ATF1: variants seen among roughly 807,000 people sequenced by gnomAD.
ATF1 encodes the protein cyclic AMP-dependent transcription factor ATF-1.
A neutral mutation model predicts 34.7 loss-of-function variants in ATF1; 16 were observed. The observed-to-expected ratio is 0.46, with a 90% CI of 0.31 to 0.70. The LOEUF (loss-of-function observed/expected upper bound fraction) is 0.70. Among genes scored for constraint, ATF1 ranks in the 30% least tolerant of loss-of-function variants. ATF1 has a pLI of 0.05. For missense variants in ATF1, 255 were observed against 321.6 expected, an observed-to-expected ratio of 0.79 and a Z score of 1.58; for synonymous variants, 105 against 113.1, an observed-to-expected ratio of 0.93 and a Z score of 0.46.
At chr12:50,810,532 G>A (rs150337288) in intron 4 of ATF1, among the ~76,000 whole-genome samples, 5 of 152,132 alleles carry the variant, frequency 3.3e-5, no homozygotes, top group African/African-American at 9.6e-5. Context: ...CTGCCTATTC[G>A]TTAAAAATAT....
At chr12:50,803,381 A>G (rs1941553206) in intron 3 of ATF1, among the ~76,000 whole-genome samples, 1 of 152,172 alleles carries the variant, frequency 6.6e-6, no homozygotes, top group Non-Finnish European at 1.5e-5. Context: ...GCAAATCAAA[A>G]TTGTGAAATA....
chr12:50,771,111 T>G (rs932514503), intron 1 of ATF1, among the ~76,000 whole-genome samples: 6 of 152,148 alleles, frequency 3.9e-5, no homozygotes, highest in Admixed American at 3.3e-4. Context: ...GTTCAAGTGA[T>G]TCTCCTGCCT....
chr12:50,774,986 C>T (rs139532430), intron 1 of ATF1, among the ~76,000 whole-genome samples: 1,590 of 152,012 alleles, frequency 0.01, 28 homozygotes, highest in African/African-American at 0.036. Context: ...CCTTGTGATC[C>T]GCCTGCCTCG....
At chr12:50,796,250 C>T (rs1168728490) in intron 3 of ATF1, among the ~76,000 whole-genome samples, 1 of 151,928 alleles carries the variant, frequency 6.6e-6, no homozygotes, top group Admixed American at 6.6e-5. Context: ...CAAACCTTAG[C>T]TGGACATAGT....
chr12:50,796,224 G>A (rs762934651), intron 3 of ATF1, among the ~76,000 whole-genome samples: 3 of 152,042 alleles, frequency 2.0e-5, no homozygotes, highest in Non-Finnish European at 4.4e-5. Context: ...GCAAGACCCT[G>A]TCTCTTCAAA....
At chr12:50,785,284 T>TACACACACAC (rs56040362) in intron 2 of ATF1, among the ~76,000 whole-genome samples, 1 of 128,434 alleles carries the variant, frequency 7.8e-6, no homozygotes, top group African/African-American at 3.0e-5. Flanking sequence ...TATATATACA[T>TACACACACAC]ACACACACAC....
chr12:50,797,448 A>G (rs956232543), intron 3 of ATF1, among the ~76,000 whole-genome samples: 3 of 152,216 alleles, frequency 2.0e-5, no homozygotes, highest in African/African-American at 7.2e-5. Context: ...GTATAAGACA[A>G]TGAACTAAAA....
intron 3 of ATF1, among the ~76,000 whole-genome samples, chr12:50,797,088 A>G (rs1434136973): frequency 1.3e-5 from 2 of 152,210 alleles, no homozygotes; most frequent in Non-Finnish European, 2.9e-5. Flanking sequence ...ATTACCTAGA[A>G]TGGAACACAG....
chr12:50,803,883 C>T (rs1231948150), intron 3 of ATF1, among the ~76,000 whole-genome samples: 2 of 152,092 alleles, frequency 1.3e-5, no homozygotes, highest in East Asian at 1.9e-4. Context: ...TTATATGAAA[C>T]GTCCAAAATA....
intron 2 of ATF1, among the ~76,000 whole-genome samples, chr12:50,794,943 TAAA>T (rs1000136423): frequency 6.6e-6 from 1 of 151,458 alleles, no homozygotes; most frequent in African/African-American, 2.4e-5. Flanking sequence ...TAAAAATATT[TAAA>T]AAAAAATTGA....
At chr12:50,778,750 G>C (rs182046103) in intron 1 of ATF1, among the ~76,000 whole-genome samples, 1 of 152,198 alleles carries the variant, frequency 6.6e-6, no homozygotes, top group East Asian at 1.9e-4. Flanking sequence ...ACCACCCCTG[G>C]CTAATTTTTT....
chr12:50,788,041 A>T (rs904277193), intron 2 of ATF1, among the ~76,000 whole-genome samples: 1 of 152,190 alleles, frequency 6.6e-6, no homozygotes. Context: ...GTTTGGGGAC[A>T]TTGAAGAGGG....
At chr12:50,797,656 A>C (rs1490736306) in intron 3 of ATF1, among the ~76,000 whole-genome samples, 1 of 152,002 alleles carries the variant, frequency 6.6e-6, no homozygotes, top group Non-Finnish European at 1.5e-5. Context: ...TTTTTGGTAG[A>C]GATAGAGTCC....
At chr12:50,785,338 C>G (rs993149931) in intron 2 of ATF1, among the ~76,000 whole-genome samples, 19 of 100,530 alleles carry the variant, frequency 1.9e-4, no homozygotes, top group Admixed American at 7.1e-4. Flanking sequence ...CACACACACA[C>G]AGACGTATAT....
At chr12:50,772,242 T>C (rs1394600390) in intron 1 of ATF1, among the ~76,000 whole-genome samples, 2 of 151,918 alleles carry the variant, frequency 1.3e-5, no homozygotes, top group African/African-American at 4.8e-5. Context: ...TCTCCCAAAG[T>C]GCTGGGATTA....
At chr12:50,802,255 G>A (rs1425397569) in intron 3 of ATF1, among the ~76,000 whole-genome samples, 1 of 152,256 alleles carries the variant, frequency 6.6e-6, no homozygotes, top group Non-Finnish European at 1.5e-5. Flanking sequence ...GCCAGGCACA[G>A]TGGCTCATGC....
chr12:50,780,063 T>C, intron 1 of ATF1, 77 bp from the exon 2 acceptor site: 2 of 1,110,330 alleles, frequency 1.8e-6, no homozygotes, highest in Non-Finnish European at 2.6e-6. Flanking sequence ...AAATGATCAA[T>C]TTTTATATGA....
chr12:50,782,275 A>G (rs889273928), intron 2 of ATF1, among the ~76,000 whole-genome samples: 1 of 151,842 alleles, frequency 6.6e-6, no homozygotes, highest in African/African-American at 2.4e-5. Flanking sequence ...TTGTTTTTTG[A>G]GACAGTGTCT....
At chr12:50,813,058 C>T (rs951382592) in intron 4 of ATF1, among the ~76,000 whole-genome samples, 4 of 152,104 alleles carry the variant, frequency 2.6e-5, no homozygotes, top group South Asian at 4.1e-4. Flanking sequence ...ATGAGGCATT[C>T]GATTCTGAAG....
Sources: gnomAD v4.1 joint callset for allele counts (sites outside exome capture counted in the v4.1 genomes callset) on GRCh38, gnomAD v4.1.1 for gene constraint, MANE v1.5 for transcripts, NCBI Gene and HGNC (gene_info 2026-07-23, HGNC 2026-07-21) for gene names.